HNRNPC: variants seen among roughly 807,000 people sequenced by gnomAD.
The protein encoded by HNRNPC is heterogeneous nuclear ribonucleoproteins C1/C2.
A neutral mutation model predicts 33.2 loss-of-function variants in HNRNPC; 3 were observed. The observed-to-expected ratio is 0.09, with a 90% CI of 0.04 to 0.23. HNRNPC has a LOEUF of 0.23. HNRNPC is among the 10% of genes least tolerant of loss of function. The probability of loss-of-function intolerance (pLI) is 1.00; values close to 1 mark genes in which losing one functional copy is unlikely to be tolerated. For synonymous variants in HNRNPC, 121 were observed against 126.7 expected, an observed-to-expected ratio of 0.96 and a Z score of 0.30; for missense variants, 143 against 366.7, an observed-to-expected ratio of 0.39 and a Z score of 4.98.
chr14:21,233,990 T>G lies in HNRNPC; in HGVS notation c.204A>C (p.Ala68=). The G allele has an allele frequency of 6.2e-7, 1 of 1,613,908 alleles. No individual in the cohort carries two copies. The highest frequency in any genetic ancestry group is 8.5e-7 in the Non-Finnish European group (1 of 1,179,842). The change falls in exon 3 of 9, where the codon GCA becomes GCC. Residue 68 remains alanine (A), a synonymous_variant. Coordinates refer to ENST00000553300, the MANE Select transcript of HNRNPC (RefSeq NM_004500.4). ...CAGCAATCATTCTGCCATCCTCTCC[T>G]GCTACAGCAGCCCGGGCATTTCTCT... ...VNERNARAAV[A]GEDGRMIAGQ... is the part of the protein sequence containing the mutation.
intron 5 of HNRNPC, among the ~76,000 whole-genome samples, chr14:21,217,947 A>T (rs1175918592): frequency 6.6e-6 from 1 of 152,210 alleles, no homozygotes; most frequent in Admixed American, 6.5e-5. Flanking sequence ...TTCTCAGTCA[A>T]AAAGAATCTA....
intron 1 of HNRNPC, among the ~76,000 whole-genome samples, chr14:21,267,959 G>C (rs975422749): frequency 1.3e-5 from 2 of 152,012 alleles, no homozygotes; most frequent in African/African-American, 4.8e-5. Flanking sequence ...TTAAGAAAGG[G>C]GTCGCGATGT....
At chr14:21,235,508 C>T (rs1000836523) in intron 2 of HNRNPC, among the ~76,000 whole-genome samples, 7 of 152,202 alleles carry the variant, frequency 4.6e-5, no homozygotes, top group African/African-American at 1.4e-4. Flanking sequence ...CAAAACTTCA[C>T]TTCCTTCCAA....
rs143418117 is a variant in HNRNPC, at chr14:21,251,470, G to A, written c.-37+11841C>T. Among the ~76,000 whole-genome samples the A allele has an allele frequency of 3.3e-3, 508 of 152,038 alleles. 3 individuals carry two copies. The highest frequency in any genetic ancestry group is 0.012 in the African/African-American group (487 of 41,476). ...GAGGCGGGCAGATAACTTGAGGTCA[G>A]GAGTTCCAGACCAGCCTGGCCTACA... On this transcript the variant is annotated intron_variant, in intron 2 of 8. Coordinates refer to ENST00000553300, the MANE Select transcript of HNRNPC (RefSeq NM_004500.4).
At chr14:21,250,919 G>A (rs911149097) in intron 2 of HNRNPC, among the ~76,000 whole-genome samples, 1 of 152,160 alleles carries the variant, frequency 6.6e-6, no homozygotes. Flanking sequence ...ATGCTATGCT[G>A]GAGCACAGGC....
In HNRNPC at chr14:21,213,170, C is replaced by A; in HGVS notation, c.366-53G>T. The A allele has an allele frequency of 2.6e-6, 4 of 1,536,798 alleles. No individual in the cohort carries two copies. The African/African-American group carries it at 4.1e-5, about 16-fold the overall frequency. ...ATTCAAACCTAACATTAACTCAGCA[C>A]AATTCAACAGACCTTATGATAAATA... On this transcript the variant is annotated intron_variant, in intron 5 of 8. Transcript: ENST00000553300.
At chr14:21,263,112 A>G (rs1878487481) in intron 2 of HNRNPC, 199 bp downstream of exon 2, 1 of 152,200 alleles carries the variant, frequency 6.6e-6, no homozygotes. Context: ...GTCAATCAGG[A>G]GGCCGGAGAA....
At chr14:21,245,389 G>C (rs1368333531) in intron 2 of HNRNPC, among the ~76,000 whole-genome samples, 1 of 151,896 alleles carries the variant, frequency 6.6e-6, no homozygotes, top group Non-Finnish European at 1.5e-5. Flanking sequence ...CTAGCTACTC[G>C]CGAGGCGGAG....
rs74487993 is a variant in HNRNPC at position 21,247,232 on chromosome 14, A to G, written c.-36-13003T>C. 8.0e-3 allele frequency among the ~76,000 whole-genome samples: 1,215 copies of G among 152,128 alleles called. 19 individuals are homozygous for G. The highest frequency in any genetic ancestry group is 0.028 in the African/African-American group (1,160 of 41,410). The stretch of plus-strand genomic sequence containing the variant: ...TACAGGGCTTAGCAGTTCGTATTTC[A>G]TCCTCTTCTACCTAGTTCATAATCA... On this transcript the variant is annotated intron_variant, in intron 2 of 8. Transcript: ENST00000553300.
In HNRNPC at chr14:21,212,080, T is replaced by C. The variant is rs543519945; in HGVS notation, c.524-157A>G. On this transcript the variant is annotated intron_variant, in intron 6 of 8. Transcript: ENST00000553300. ...TCGGTAATAAAGGCCCTTGGTTCTA[T>C]TATAAAGCACGTTCTGTAATGGTTT... The C allele has an allele frequency of 2.8e-4, 170 of 617,426 alleles. No homozygotes were observed. In the East Asian group the frequency reaches 4.6e-3, roughly 17 times the overall value. 38.2% of individuals were successfully genotyped at this position (617,426 alleles called of 1,614,324 possible).
chr14:21,242,409 A>G (rs928930483), intron 2 of HNRNPC, among the ~76,000 whole-genome samples: 3 of 152,196 alleles, frequency 2.0e-5, no homozygotes, highest in African/African-American at 7.2e-5. Context: ...GCTTGAACCC[A>G]AGACGCGGAG....
rs145319195 is a variant in HNRNPC, at chr14:21,231,195, T to C, written c.242-123A>G. 3 of 932,692 alleles carry C rather than the reference T, an allele frequency of 3.2e-6. No individual in the cohort carries two copies. In the African/African-American group the frequency reaches 4.9e-5, roughly 15 times the overall value. 57.8% of individuals were successfully genotyped at this position (932,692 alleles called of 1,614,324 possible). On this transcript the variant is annotated intron_variant, in intron 3 of 8. Coordinates refer to ENST00000553300, the MANE Select transcript of HNRNPC (RefSeq NM_004500.4). ...TCTCGCTCAGGCTGGAGTGCAGTGG[T>C]GTCACCTTGGCTCACTGAAACCTCT... is the stretch of plus-strand genomic sequence containing the variant.
intron 5 of HNRNPC, among the ~76,000 whole-genome samples, chr14:21,227,983 TCTGA>T (rs2139604650): frequency 6.6e-6 from 1 of 152,298 alleles, no homozygotes; most frequent in South Asian, 2.1e-4. Flanking sequence ...GATTCTCAAC[TCTGA>T]CTGGACAAAA....
chr14:21,242,317 T>A (rs1021016071), intron 2 of HNRNPC, among the ~76,000 whole-genome samples: 1 of 152,158 alleles, frequency 6.6e-6, no homozygotes, highest in African/African-American at 2.4e-5. Context: ...ACCCCATCTC[T>A]ACAAAAAATA....
At chr14:21,222,606 G>A (rs1333015346) in intron 5 of HNRNPC, among the ~76,000 whole-genome samples, 1 of 152,068 alleles carries the variant, frequency 6.6e-6, no homozygotes, top group East Asian at 1.9e-4. Flanking sequence ...TAAAAATGCT[G>A]CTATGGCCGG....
At chr14:21,213,215 AG>A in intron 5 of HNRNPC, 98 bp from the exon 6 acceptor site, 1 of 1,235,522 alleles carries the variant, frequency 8.1e-7, no homozygotes, top group Non-Finnish European at 1.1e-6. Flanking sequence ...TATTGTCTCT[AG>A]TCGTTTCCTT....
intron 5 of HNRNPC, among the ~76,000 whole-genome samples, chr14:21,219,202 T>C (rs2139518018): frequency 6.6e-6 from 1 of 152,306 alleles, no homozygotes; most frequent in Non-Finnish European, 1.5e-5. Flanking sequence ...AAGAAGTTCT[T>C]TCACTTACAA....
intron 2 of HNRNPC, among the ~76,000 whole-genome samples, chr14:21,239,529 TAAACTC>T (rs1895112179): frequency 6.6e-6 from 1 of 151,950 alleles, no homozygotes; most frequent in East Asian, 1.9e-4. Context: ...ATTTCTTTCT[TAAACTC>T]AACATGTCAT....
At chr14:21,268,468 A>T (rs923759194) in intron 1 of HNRNPC, among the ~76,000 whole-genome samples, 2 of 152,186 alleles carry the variant, frequency 1.3e-5, no homozygotes, top group South Asian at 4.1e-4. Flanking sequence ...TAGTTTTAGA[A>T]CTATATTAAC....
Sources: gnomAD v4.1 joint callset for allele counts (sites outside exome capture counted in the v4.1 genomes callset) on GRCh38, gnomAD v4.1.1 for gene constraint, MANE v1.5 for transcripts, NCBI Gene and HGNC (gene_info 2026-07-23, HGNC 2026-07-21) for gene names.